The following PCDH15 variants were observed in gnomAD, a reference collection of about 807,000 sequenced individuals.
PCDH15 encodes protocadherin related 15.
A neutral mutation model predicts 178.5 loss-of-function variants in PCDH15; 129 were observed. The ratio of observed to expected loss-of-function variants is 0.72; its 90% CI spans 0.63 to 0.84. The LOEUF is 0.84. Ranked by LOEUF, PCDH15 falls within the 40% of genes least tolerant of loss-of-function variation. The probability of loss-of-function intolerance (pLI) is 0.00; values close to 1 mark genes in which losing one functional copy is unlikely to be tolerated. For synonymous variants in PCDH15, 800 were observed against 732.0 expected, an observed-to-expected ratio of 1.09 and a Z score of -1.50; for missense variants, 2,230 against 2,099.9, an observed-to-expected ratio of 1.06 and a Z score of -1.21.
intron 3 of PCDH15, among the ~76,000 whole-genome samples, chr10:54,816,203 T>C (rs897991268): frequency 3.3e-5 from 5 of 152,048 alleles, no homozygotes; most frequent in African/African-American, 1.2e-4. Context: ...CCTGACATAT[T>C]GGAGATGTTG....
chr10:55,474,594 A>G lies in PCDH15; in HGVS notation c.-156+153031T>C, dbSNP rs143456943. ...TAATTCTCAAAATATAAGTTATTGTATTCCACTTAATTTAAATAATATTTA... is the reference window on the plus strand; with the variant it reads ...TAATTCTCAAAATATAAGTTATTGTGTTCCACTTAATTTAAATAATATTTA... On this transcript the variant is annotated intron_variant, in intron 2 of 5. Coordinates refer to the PCDH15 transcript ENST00000613346. Among the ~76,000 whole-genome samples the G allele has an allele frequency of 2.2e-3, 338 of 152,304 alleles. 3 individuals are homozygous for G. The highest frequency in any genetic ancestry group is 7.8e-3 in the African/African-American group (325 of 41,564).
At chr10:54,017,601 A>G (rs1156750516) in intron 20 of PCDH15, among the ~76,000 whole-genome samples, 1 of 152,138 alleles carries the variant, frequency 6.6e-6, no homozygotes, top group Non-Finnish European at 1.5e-5. Flanking sequence ...GTACTCCTGG[A>G]CATAAAAATA....
intron 3 of PCDH15, among the ~76,000 whole-genome samples, chr10:54,849,489 T>A (rs897828865): frequency 2.0e-5 from 3 of 152,200 alleles, no homozygotes; most frequent in Non-Finnish European, 4.4e-5. Context: ...TCGGCACTCA[T>A]CTCCAGGTTG....
chr10:55,098,892 C>T (rs943268833), intron 2 of PCDH15, among the ~76,000 whole-genome samples: 2 of 57,344 alleles, frequency 3.5e-5, no homozygotes, highest in African/African-American at 1.8e-4. Context: ...ATTAAAACTT[C>T]AATGAGAGAG....
rs144433335 is a variant in PCDH15, at chr10:55,588,979, G to T, written c.-156+38646C>A. Among the ~76,000 whole-genome samples the T allele has an allele frequency of 5.3e-4, 80 of 151,274 alleles. 1 individual carries two copies. The highest frequency in any genetic ancestry group is 1.9e-3 in the African/African-American group (80 of 41,254). On this transcript the variant is annotated intron_variant, in intron 2 of 5. Transcript: ENST00000613346. ...GCCTGTAATCCCAGCTACTCGGGAG[G>T]CTGAGGCAGGAGAATTGCTTGAACC... is the stretch of plus-strand genomic sequence containing the variant.
intron 1 of PCDH15, among the ~76,000 whole-genome samples, chr10:55,199,738 C>T: frequency 6.6e-6 from 1 of 152,036 alleles, no homozygotes; most frequent in East Asian, 1.9e-4. Context: ...TCTTTGCAGC[C>T]TCAGGACATA....
chr10:55,147,741 C>T (rs1412071158), intron 2 of PCDH15, among the ~76,000 whole-genome samples: 2 of 151,134 alleles, frequency 1.3e-5, no homozygotes, highest in African/African-American at 4.9e-5. Flanking sequence ...ATACATGTGC[C>T]ATGCTGGTGT....
At chr10:54,659,860 G>A (rs2094464275) in intron 2 of PCDH15, among the ~76,000 whole-genome samples, 1 of 151,324 alleles carries the variant, frequency 6.6e-6, no homozygotes, top group African/African-American at 2.4e-5. Context: ...AGAAAATTAA[G>A]GCAGACATAA....
chr10:55,334,242 A>ATATATATATATATATATATATGTG (rs1291195941), intron 2 of PCDH15, among the ~76,000 whole-genome samples: 4 of 72,142 alleles, frequency 5.5e-5, no homozygotes, highest in African/African-American at 2.9e-4. Flanking sequence ...ATATATATAT[A>ATATATATATATATATATATATGTG]TGTGTGTGTG....
intron 2 of PCDH15, among the ~76,000 whole-genome samples, chr10:55,540,018 A>G (rs1841722553): frequency 6.6e-6 from 1 of 152,086 alleles, no homozygotes; most frequent in South Asian, 2.1e-4. Context: ...ATTGTGGATC[A>G]ATAATTCAAA....
intron 13 of PCDH15, among the ~76,000 whole-genome samples, chr10:54,170,078 C>T (rs2046720978): frequency 7.3e-6 from 1 of 137,610 alleles, no homozygotes; most frequent in African/African-American, 2.9e-5. Context: ...CTGACCCTGA[C>T]ACCCATCAAG....
chr10:54,017,253 G>C (rs1482870119), intron 20 of PCDH15, among the ~76,000 whole-genome samples: 2 of 152,076 alleles, frequency 1.3e-5, no homozygotes, highest in Non-Finnish European at 2.9e-5. Flanking sequence ...TCAAACTCCT[G>C]ACCTCAGGTG....
chr10:54,300,110 C>T (rs1299621302), intron 8 of PCDH15, among the ~76,000 whole-genome samples: 1 of 152,150 alleles, frequency 6.6e-6, no homozygotes. Context: ...AGGCCTAGAC[C>T]TCCTCACTAC....
At chr10:54,891,258 A>G (rs748331659) in intron 3 of PCDH15, among the ~76,000 whole-genome samples, 4 of 152,116 alleles carry the variant, frequency 2.6e-5, no homozygotes, top group Admixed American at 1.3e-4. Flanking sequence ...GGAAATGCTG[A>G]GAGAAAAAAT....
intron 2 of PCDH15, among the ~76,000 whole-genome samples, chr10:55,403,410 A>G (rs1838121482): frequency 6.6e-6 from 1 of 151,076 alleles, no homozygotes; most frequent in African/African-American, 2.4e-5. Flanking sequence ...TCTTTTTATT[A>G]CCTGTTTATT....
chr10:55,423,158 A>T (rs7893927), intron 2 of PCDH15, among the ~76,000 whole-genome samples: 40,179 of 151,812 alleles, frequency 0.26, 6,403 homozygotes, highest in African/African-American at 0.45. Context: ...TCTGTAAATT[A>T]TTTAATGATT....
At chr10:54,744,269 G>A (rs1945185102) in intron 1 of PCDH15, among the ~76,000 whole-genome samples, 1 of 152,076 alleles carries the variant, frequency 6.6e-6, no homozygotes, top group Non-Finnish European at 1.5e-5. Context: ...TAGCCCAATT[G>A]ACACCTTGAT....
At chr10:55,346,654 T>A (rs1446911500) in intron 2 of PCDH15, among the ~76,000 whole-genome samples, 2 of 150,984 alleles carry the variant, frequency 1.3e-5, no homozygotes, top group Non-Finnish European at 2.9e-5. Context: ...AATCATGCAA[T>A]ATGCGTTAAA....
In PCDH15 at chr10:53,984,491, A is replaced by G. The variant is rs191222415; in HGVS notation, c.2868+11158T>C. Among the ~76,000 whole-genome samples, 170 of 152,220 alleles carry G rather than the reference A, an allele frequency of 1.1e-3. 2 individuals are homozygous for G. Among genetic ancestry groups the G allele is most frequent in the Non-Finnish European group, 2.9e-4 (20 of 68,014 alleles). On this transcript the variant is annotated intron_variant, in intron 21 of 37. Transcript: ENST00000644397. The stretch of plus-strand genomic sequence containing the variant: ...TTAACTTTTATCCTTTCAAGTTTGA[A>G]ATACCAAGGCTTGGAACCATGACAG...
Sources: gnomAD v4.1 joint callset for allele counts (sites outside exome capture counted in the v4.1 genomes callset) on GRCh38, gnomAD v4.1.1 for gene constraint, MANE v1.5 for transcripts, NCBI Gene and HGNC (gene_info 2026-07-23, HGNC 2026-07-21) for gene names.